The following PTPN4 variants were observed in gnomAD, a reference collection of about 807,000 sequenced individuals.
PTPN4 encodes the protein protein tyrosine phosphatase non-receptor type 4.
A neutral mutation model predicts 135.5 loss-of-function variants in PTPN4; 49 were observed. The observed-to-expected ratio is 0.36, with a 90% confidence interval of 0.29 to 0.46. The LOEUF (loss-of-function observed/expected upper bound fraction) is 0.46, where lower values mean the gene tolerates loss of function less well. PTPN4 is among the 20% of genes least tolerant of loss of function. The probability of loss-of-function intolerance (pLI) is 1.00; values close to 1 mark genes in which losing one functional copy is unlikely to be tolerated. For missense variants in PTPN4, 860 were observed against 1,101.0 expected, an observed-to-expected ratio of 0.78 and a Z score of 3.10; for synonymous variants, 333 against 369.9, an observed-to-expected ratio of 0.90 and a Z score of 1.14.
Position 119,952,121 on chromosome 2 carries a change from G to T in PTPN4, c.1805G>T (p.Arg602Leu). 6.2e-7 allele frequency: 1 copy of T among 1,611,422 alleles called. No homozygotes were observed. The highest frequency in any genetic ancestry group is 1.1e-5 in the South Asian group (1 of 90,868). The change falls in exon 19 of 27, where the codon CGA becomes CTA. Residue 602 changes from arginine (R) to leucine (L), a missense_variant. By Grantham distance (102) the Arg-to-Leu change is moderately radical (BLOSUM62 -2). Around this residue, in one of 2 missense-constraint regions of PTPN4, gnomAD observed 684 missense variants for 807.0 expected, o/e 0.85. Coordinates refer to ENST00000263708, the MANE Select transcript of PTPN4 (RefSeq NM_002830.4). ...TCTGGGGAACTCATGCTTCTAGTTCGACCTAATGGTGAGTACTCTATGTAG... is the reference window on the plus strand; with the variant it reads ...TCTGGGGAACTCATGCTTCTAGTTCTACCTAATGGTGAGTACTCTATGTAG... The part of the protein sequence containing the change: ...RHSGELMLLV[R>L]PNAVYDVVEE...
intron 2 of PTPN4, among the ~76,000 whole-genome samples, chr2:119,813,375 G>A (rs548398212): frequency 3.3e-5 from 5 of 152,150 alleles, no homozygotes; most frequent in South Asian, 2.1e-4. Flanking sequence ...AGCCTCCCTA[G>A]TAGCTGGGAT....
chr2:119,960,593 C>G (rs1397146446), intron 22 of PTPN4, among the ~76,000 whole-genome samples: 2 of 152,072 alleles, frequency 1.3e-5, no homozygotes, highest in Admixed American at 6.6e-5. Flanking sequence ...CTTATTTCCA[C>G]TAATTAAAAG....
rs1574420804 is a variant in PTPN4 at position 119,956,925 on chromosome 2, A to G, written c.2062A>G (p.Ile688Val). 1 of 1,610,100 alleles carries G rather than the reference A, an allele frequency of 6.2e-7. No homozygotes were observed. The highest frequency in any genetic ancestry group is 1.1e-5 in the South Asian group (1 of 89,750). The change falls in exon 21 of 27, where the codon ATT (isoleucine) becomes GTT (valine). Residue 688 changes from isoleucine to valine, a missense_variant. By Grantham distance (29) the Ile-to-Val change is conservative (BLOSUM62 3). Transcript: ENST00000263708. ...TATTTCCAAAAATAGATACAGAGAT[A>G]TTTCGCCTTGTAAGTATCTTATTGT... is the stretch of plus-strand genomic sequence containing the variant. ...QNISKNRYRD[I>V]SPYDATRVIL...
At chr2:119,828,210 C>T (rs753411207) in intron 2 of PTPN4, among the ~76,000 whole-genome samples, 3 of 152,196 alleles carry the variant, frequency 2.0e-5, no homozygotes, top group Non-Finnish European at 4.4e-5. Context: ...CATCAGTTGC[C>T]AGCCATATGA....
At chr2:119,819,538 A>G (rs980526656) in intron 2 of PTPN4, among the ~76,000 whole-genome samples, 3 of 152,232 alleles carry the variant, frequency 2.0e-5, no homozygotes, top group Non-Finnish European at 4.4e-5. Context: ...GATCTCAGTT[A>G]ATAATAGTAA....
intron 13 of PTPN4, among the ~76,000 whole-genome samples, chr2:119,928,657 T>G (rs920096889): frequency 6.6e-6 from 1 of 152,064 alleles, no homozygotes; most frequent in African/African-American, 2.4e-5. Flanking sequence ...ATGAAATGAG[T>G]CCATGTATTT....
At chr2:119,845,416 A>G (rs956254673) in intron 2 of PTPN4, among the ~76,000 whole-genome samples, 2 of 152,130 alleles carry the variant, frequency 1.3e-5, no homozygotes, top group Admixed American at 1.3e-4. Context: ...TGATAGGTAT[A>G]TTTAAAATTT....
intron 1 of PTPN4, among the ~76,000 whole-genome samples, chr2:119,764,318 G>T (rs987197802): frequency 5.9e-5 from 9 of 152,132 alleles, no homozygotes; most frequent in Non-Finnish European, 1.2e-4. Flanking sequence ...AAATATATAG[G>T]AGTTCCCCGG....
intron 2 of PTPN4, among the ~76,000 whole-genome samples, chr2:119,844,357 C>A (rs1225279977): frequency 6.8e-6 from 1 of 147,302 alleles, no homozygotes; most frequent in South Asian, 2.2e-4. Context: ...TGACCCCCCC[C>A]CCCCACCTCC....
At chr2:119,964,636 T>C (rs1377170400) in intron 24 of PTPN4, among the ~76,000 whole-genome samples, 1 of 152,206 alleles carries the variant, frequency 6.6e-6, no homozygotes, top group African/African-American at 2.4e-5. Context: ...ATGTACTTGA[T>C]TATCATCTTT....
intron 2 of PTPN4, among the ~76,000 whole-genome samples, chr2:119,844,504 T>C (rs1445517529): frequency 8.1e-5 from 10 of 122,960 alleles, no homozygotes; most frequent in African/African-American, 1.6e-4. Flanking sequence ...GACGGGGTGG[T>C]TGCCGGGCAG....
At chr2:119,936,131 T>C (rs1224447459) in intron 15 of PTPN4, among the ~76,000 whole-genome samples, 2 of 151,858 alleles carry the variant, frequency 1.3e-5, no homozygotes, top group East Asian at 3.9e-4. Flanking sequence ...ACCTCCCGAG[T>C]AGCTGAGACT....
At chr2:119,891,168 A>G (rs905963903) in intron 9 of PTPN4, among the ~76,000 whole-genome samples, 11 of 151,998 alleles carry the variant, frequency 7.2e-5, no homozygotes, top group Middle Eastern at 3.4e-3. Flanking sequence ...TTCTTTTTTC[A>G]TCTCTTTTCT....
chr2:119,811,699 T>TA (rs1441440922), intron 2 of PTPN4, among the ~76,000 whole-genome samples: 3 of 152,114 alleles, frequency 2.0e-5, no homozygotes, highest in African/African-American at 7.2e-5. Context: ...AGCTACTATT[T>TA]AGTTTTCATT....
intron 1 of PTPN4, among the ~76,000 whole-genome samples, chr2:119,772,244 T>A (rs7558053): frequency 0.34 from 52,437 of 152,068 alleles, 9,585 homozygotes; most frequent in African/African-American, 0.46. Context: ...GAATGTCTTC[T>A]TTGGGAAGGG....
chr2:119,900,190 C>CT (rs1678382963), intron 9 of PTPN4, among the ~76,000 whole-genome samples: 1 of 152,050 alleles, frequency 6.6e-6, no homozygotes, highest in Non-Finnish European at 1.5e-5. Context: ...TCTAAACTCT[C>CT]TAAGAATTGT....
At chr2:119,798,558 AT>A (rs1000768614) in intron 1 of PTPN4, among the ~76,000 whole-genome samples, 3 of 152,222 alleles carry the variant, frequency 2.0e-5, no homozygotes, top group Non-Finnish European at 4.4e-5. Flanking sequence ...GATTTAGCAT[AT>A]TTTTTCCCAA....
chr2:119,807,769 CA>C (rs878934366), intron 1 of PTPN4, among the ~76,000 whole-genome samples: 1 of 151,858 alleles, frequency 6.6e-6, no homozygotes, highest in Non-Finnish European at 1.5e-5. Flanking sequence ...AGAGACACAA[CA>C]AAAAAAGAGA....
At chr2:119,947,251 A>G (rs1365324768) in intron 18 of PTPN4, among the ~76,000 whole-genome samples, 1 of 152,088 alleles carries the variant, frequency 6.6e-6, no homozygotes, top group Non-Finnish European at 1.5e-5. Flanking sequence ...ACCTTTTATC[A>G]TTTAACTGTC....
Sources: allele counts gnomAD v4.1 joint callset (sites outside exome capture counted in the v4.1 genomes callset), GRCh38; gene constraint gnomAD v4.1.1; regional missense constraint gnomAD v4.1.1; transcripts MANE v1.5; gene names NCBI Gene and HGNC (gene_info 2026-07-23, HGNC 2026-07-21).